The following SLC9A7 variants were observed in gnomAD, a reference collection of about 807,000 sequenced individuals.
SLC9A7 encodes solute carrier family 9 member A7.
A neutral mutation model predicts 52.6 loss-of-function variants in SLC9A7; 19 were observed. That is an observed-to-expected ratio of 0.36 (90% CI 0.25 to 0.53). SLC9A7 has a LOEUF of 0.53. Ranked by LOEUF, SLC9A7 falls within the 20% of genes least tolerant of loss-of-function variation. The pLI is 0.91. For missense variants in SLC9A7, 455 were observed against 597.9 expected, an observed-to-expected ratio of 0.76 and a Z score of 2.49; for synonymous variants, 226 against 252.1, an observed-to-expected ratio of 0.90 and a Z score of 0.98.
chrX:46,758,949 C>T lies in SLC9A7; in HGVS notation c.81G>A (p.Leu27=). 2 of 1,078,699 alleles carry T rather than the reference C, an allele frequency of 1.9e-6. No homozygotes were observed. The highest frequency in any genetic ancestry group is 2.5e-5 in the South Asian group (1 of 40,045). 88.9% of individuals were successfully genotyped at this position (1,078,699 alleles called of 1,213,427 possible). A position where few individuals can be genotyped will look rare whatever the true frequency, so the allele number is the denominator to read the frequency against. Residue 27 remains leucine (L), a synonymous_variant, in exon 1 of 17, where the codon CTG becomes CTA. Transcript: ENST00000616978. ...APPPRLLLLP[L]LLGWGLRVAA... is the part of the protein sequence containing the mutation. ...CGACTCGCAGCCCCCAACCCAGCAG[C>T]AGCGGCAGCAGCAGCAGCCGCGGCG...
At position 46,731,993 on chromosome X, in the gene SLC9A7, G is replaced by A. The variant is rs551792598; in HGVS notation, c.325+26712C>T. Among the ~76,000 whole-genome samples, 35 of 111,399 alleles carry A rather than the reference G, an allele frequency of 3.1e-4. 1 individual carries two copies. In the South Asian group the frequency reaches 0.011, roughly 36 times the overall value. ...TCCCAGCACTTTGGGAGGCTGAGGC[G>A]GGTGGATCACTTGAGGTCAGGAGTT... On this transcript the variant is annotated intron_variant, in intron 1 of 16. Transcript: ENST00000616978.
At chrX:46,621,477 G>A (rs998518837) in intron 14 of SLC9A7, among the ~76,000 whole-genome samples, 2 of 111,428 alleles carry the variant, frequency 1.8e-5, no homozygotes, top group African/African-American at 6.5e-5. Context: ...GTAGGCCTGT[G>A]GAAACCACAT....
intron 1 of SLC9A7, among the ~76,000 whole-genome samples, chrX:46,734,236 A>AAC (rs10539010): frequency 3.7e-5 from 4 of 107,022 alleles, no homozygotes; most frequent in African/African-American, 1.4e-4. Context: ...TGTAGATTAA[A>AAC]ACACACACAC....
chrX:46,647,047 G>A (rs113796478), intron 11 of SLC9A7: 14 of 322,147 alleles, frequency 4.3e-5, no homozygotes, highest in African/African-American at 1.1e-4. Flanking sequence ...TACGGAGGTC[G>A]GTCAGACCAC....
chrX:46,674,810 G>A (rs1306869791), intron 3 of SLC9A7, among the ~76,000 whole-genome samples: 1 of 111,628 alleles, frequency 9.0e-6, no homozygotes, highest in East Asian at 2.8e-4. Context: ...GACAAGAAGA[G>A]ACAAAAGGAG....
At chrX:46,726,283 A>G (rs780091904) in intron 1 of SLC9A7, among the ~76,000 whole-genome samples, 16 of 111,540 alleles carry the variant, frequency 1.4e-4, no homozygotes, top group Non-Finnish European at 2.8e-4. Context: ...TAAATAAAAT[A>G]AAATGCCTGG....
At position 46,602,228 on chromosome X, in the gene SLC9A7, C is replaced by T. The variant is rs973477285; in HGVS notation, c.*4724G>A. 2 of 111,628 alleles carry T rather than the reference C, an allele frequency of 1.8e-5. No individual in the cohort carries two copies. The highest frequency in any genetic ancestry group is 3.3e-5 in the African/African-American group (1 of 30,663). 9.2% of individuals were successfully genotyped at this position (111,628 alleles called of 1,213,427 possible). The stretch of plus-strand genomic sequence containing the variant: ...CTTTCCTCGAAGGCTCCAAGGTTTT[C>T]GTGATCTTTTCAGCTGTACTTTATG... On this transcript the variant is annotated 3_prime_UTR_variant, in exon 17 of 17. Transcript: ENST00000616978.
chrX:46,724,809 CATTTT>C (rs1358337695), intron 1 of SLC9A7, among the ~76,000 whole-genome samples: 6 of 111,878 alleles, frequency 5.4e-5, no homozygotes, highest in Non-Finnish European at 1.1e-4. Flanking sequence ...TTTATCAGGT[CATTTT>C]GAGACTGCAG....
intron 2 of SLC9A7, among the ~76,000 whole-genome samples, chrX:46,681,185 G>A (rs898632789): frequency 1.8e-5 from 2 of 112,309 alleles, no homozygotes; most frequent in Non-Finnish European, 3.8e-5. Context: ...AAATAAACAG[G>A]TTTCTAAAGA....
chrX:46,650,689 G>C (rs1460114242), intron 10 of SLC9A7, among the ~76,000 whole-genome samples: 2 of 111,351 alleles, frequency 1.8e-5, no homozygotes, highest in African/African-American at 6.5e-5. Context: ...TCCTGGATTG[G>C]AATTCATACA....
intron 1 of SLC9A7, among the ~76,000 whole-genome samples, chrX:46,746,329 AAAAC>A (rs1287969956): frequency 1.8e-5 from 2 of 110,992 alleles, no homozygotes; most frequent in African/African-American, 3.3e-5. Flanking sequence ...ACACCATCTC[AAAAC>A]AAACAAACAA....
chrX:46,638,037 G>A (rs962042506), intron 12 of SLC9A7, among the ~76,000 whole-genome samples: 8 of 111,671 alleles, frequency 7.2e-5, no homozygotes, highest in Non-Finnish European at 1.9e-5. Flanking sequence ...AGCTCATCAG[G>A]GCCTCTATCA....
chrX:46,633,356 A>AAAAAC (rs1943256418), intron 13 of SLC9A7, among the ~76,000 whole-genome samples: 3 of 89,977 alleles, frequency 3.3e-5, no homozygotes, highest in Non-Finnish European at 4.4e-5. Context: ...AAAAAAAAAA[A>AAAAAC]AAAAAAAAAA....
At chrX:46,654,950 CTG>C (rs891020667) in intron 7 of SLC9A7, among the ~76,000 whole-genome samples, 2 of 103,980 alleles carry the variant, frequency 1.9e-5, no homozygotes, top group African/African-American at 6.8e-5. Context: ...AACACACACA[CTG>C]TATTTCTTTT....
chrX:46,715,275 A>G (rs761604852), intron 1 of SLC9A7, among the ~76,000 whole-genome samples: 80 of 112,044 alleles, frequency 7.1e-4, no homozygotes, highest in Non-Finnish European at 1.3e-3. Context: ...TAGACTGTAA[A>G]TTCCTTGAGG....
At chrX:46,682,822 C>A (rs1424025695) in intron 1 of SLC9A7, among the ~76,000 whole-genome samples, 9 of 109,375 alleles carry the variant, frequency 8.2e-5, no homozygotes, top group Non-Finnish European at 1.1e-4. Flanking sequence ...TGAGTGGAGT[C>A]TCGCTCTCTC....
Position 46,758,622 on chromosome X carries a change from T to A in SLC9A7, c.325+83A>T, listed in dbSNP as rs1233867585. ...AAAAGAAACGGAACACGTTGGCAAGTGAAGGGGGAGCACCGCGCGGCGCCA... is the reference window on the plus strand; with the variant it reads ...AAAAGAAACGGAACACGTTGGCAAGAGAAGGGGGAGCACCGCGCGGCGCCA... On this transcript the variant is annotated intron_variant, in intron 1 of 16. Transcript: ENST00000616978. The A allele has an allele frequency of 8.7e-6, 5 of 577,502 alleles. No individual in the cohort carries two copies. The African/African-American group carries it at 1.2e-4, about 14-fold the overall frequency. The allele number at this position is 577,502 out of a possible 1,213,427, so 47.6% of individuals were successfully genotyped here.
chrX:46,648,862 G>A (rs1218933635), intron 10 of SLC9A7, 65 bp from the exon 11 acceptor site: 2 of 810,037 alleles, frequency 2.5e-6, no homozygotes. Context: ...ACAACCTCCG[G>A]CTGAGCAGAG....
intron 1 of SLC9A7, among the ~76,000 whole-genome samples, chrX:46,723,658 G>A (rs777625055): frequency 1.8e-5 from 2 of 111,794 alleles, no homozygotes; most frequent in Admixed American, 1.9e-4. Flanking sequence ...TCGGTATGTA[G>A]GACAGGGGTA....
Sources: gnomAD v4.1 joint callset for allele counts (sites outside exome capture counted in the v4.1 genomes callset) on GRCh38, gnomAD v4.1.1 for gene constraint, MANE v1.5 for transcripts, NCBI Gene and HGNC (gene_info 2026-07-23, HGNC 2026-07-21) for gene names.